VPS41: variants seen among roughly 807,000 people sequenced by gnomAD.
The protein encoded by VPS41 is VPS41 subunit of HOPS complex, also known as vacuolar protein sorting-associated protein 41 homolog.
Under a neutral mutation model 130.9 loss-of-function variants are expected in VPS41, and 85 were observed. The ratio of observed to expected loss-of-function variants is 0.65; its 90% CI spans 0.55 to 0.78. The LOEUF is 0.78. VPS41 is among the 30% of genes least tolerant of loss of function. The pLI, the probability that VPS41 is intolerant of heterozygous loss-of-function variation, is 0.00. For missense variants in VPS41, 874 were observed against 1,018.7 expected, an observed-to-expected ratio of 0.86 and a Z score of 1.93; for synonymous variants, 335 against 332.9, an observed-to-expected ratio of 1.01 and a Z score of -0.07.
At chr7:38,769,125 G>T (rs762916632) in intron 14 of VPS41, among the ~76,000 whole-genome samples, 2 of 152,002 alleles carry the variant, frequency 1.3e-5, no homozygotes, top group African/African-American at 2.4e-5. Flanking sequence ...AGCTGACCTC[G>T]TCTTACCCTT....
chr7:38,837,392 C>G (rs1393194380), intron 4 of VPS41, among the ~76,000 whole-genome samples: 1 of 152,178 alleles, frequency 6.6e-6, no homozygotes, highest in Non-Finnish European at 1.5e-5. Context: ...AACACTGAGG[C>G]TCAGGTGAGC....
intron 5 of VPS41, among the ~76,000 whole-genome samples, chr7:38,828,250 C>T (rs963566996): frequency 6.6e-6 from 1 of 152,004 alleles, no homozygotes; most frequent in African/African-American, 2.4e-5. Context: ...AACACACACA[C>T]ACACACACGC....
At chr7:38,836,917 A>G (rs1044423045) in intron 4 of VPS41, among the ~76,000 whole-genome samples, 1 of 152,332 alleles carries the variant, frequency 6.6e-6, no homozygotes, top group East Asian at 1.9e-4. Flanking sequence ...TACTTAAAAT[A>G]TACATTATCT....
At position 38,756,893 on chromosome 7, in the gene VPS41, T is replaced by G. The variant is rs375941913; in HGVS notation, c.1640A>C (p.Asn547Thr). The change falls in exon 19 of 29, where the codon AAT becomes ACT. Residue 547 changes from asparagine (N) to threonine (T), a missense_variant. Asn to Thr is a moderately conservative substitution (Grantham distance 65). Coordinates refer to ENST00000310301, the MANE Select transcript of VPS41 (RefSeq NM_014396.4). ...KDVFQLIHKH[N>T]LFSSIKDKIV... is the part of the protein sequence containing the mutation. ...TTTATCCTTGATAGAACTGAAAAGA[T>G]TATGCTTGTGGATCAACTGAAAAAC... The G allele has an allele frequency of 6.3e-6, 10 of 1,599,602 alleles. No homozygotes were observed. In the Admixed American group the frequency reaches 1.7e-4, roughly 27 times the overall value.
intron 2 of VPS41, among the ~76,000 whole-genome samples, chr7:38,875,608 A>T (rs1367761681): frequency 6.6e-6 from 1 of 152,210 alleles, no homozygotes; most frequent in Non-Finnish European, 1.5e-5. Context: ...TATCAAGAAA[A>T]CTACATAAAC....
At chr7:38,741,674 C>T (rs558109717) in intron 25 of VPS41, among the ~76,000 whole-genome samples, 2 of 152,282 alleles carry the variant, frequency 1.3e-5, no homozygotes, top group African/African-American at 2.4e-5. Context: ...TGCTTTCATA[C>T]TCGCCTCGAT....
intron 4 of VPS41, among the ~76,000 whole-genome samples, chr7:38,846,707 A>G (rs542713983): frequency 7.9e-5 from 12 of 152,306 alleles, no homozygotes; most frequent in South Asian, 2.1e-4. Flanking sequence ...AGGCAGGGAG[A>G]TCAGTTGGGT....
chr7:38,731,234 G>A (rs979115769), intron 25 of VPS41, among the ~76,000 whole-genome samples: 4 of 152,150 alleles, frequency 2.6e-5, no homozygotes, highest in African/African-American at 9.7e-5. Context: ...ATAATGTGTA[G>A]GCAATTAAAG....
intron 10 of VPS41, among the ~76,000 whole-genome samples, chr7:38,779,376 A>C (rs540232881): frequency 6.6e-6 from 1 of 152,322 alleles, no homozygotes; most frequent in South Asian, 2.1e-4. Flanking sequence ...AAAATCTCTT[A>C]TAGAAAACAA....
chr7:38,777,405 T>C (rs984146643), intron 10 of VPS41, among the ~76,000 whole-genome samples: 2 of 152,116 alleles, frequency 1.3e-5, no homozygotes, highest in Non-Finnish European at 2.9e-5. Flanking sequence ...AGAAGACATA[T>C]TGCATCACTT....
chr7:38,898,234 T>C (rs955233613), intron 1 of VPS41, 105 bp from the exon 2 acceptor site: 7 of 926,672 alleles, frequency 7.6e-6, no homozygotes, highest in African/African-American at 1.7e-5. Context: ...TCTGCCCTTT[T>C]TGGAAGAGAA....
chr7:38,863,424 C>T (rs1786162682), intron 3 of VPS41, among the ~76,000 whole-genome samples: 1 of 152,130 alleles, frequency 6.6e-6, no homozygotes, highest in Admixed American at 6.5e-5. Context: ...TGCTTCATTG[C>T]AACCCATAAT....
At chr7:38,774,491 G>A (rs1484067653) in intron 11 of VPS41, among the ~76,000 whole-genome samples, 1 of 151,666 alleles carries the variant, frequency 6.6e-6, no homozygotes, top group African/African-American at 2.4e-5. Flanking sequence ...ATCAACTAGT[G>A]AAGAAAAATC....
intron 7 of VPS41, among the ~76,000 whole-genome samples, chr7:38,803,412 G>T (rs1182832424): frequency 6.6e-6 from 1 of 152,184 alleles, no homozygotes; most frequent in African/African-American, 2.4e-5. Flanking sequence ...ATTCAGCAGG[G>T]GCTTCAGCCG....
chr7:38,849,232 G>A (rs1785795842), intron 4 of VPS41, among the ~76,000 whole-genome samples: 1 of 152,144 alleles, frequency 6.6e-6, no homozygotes, highest in South Asian at 2.1e-4. Context: ...ATGCAGATGG[G>A]TGGGCTGTGG....
At chr7:38,839,007 T>C (rs574740313) in intron 4 of VPS41, among the ~76,000 whole-genome samples, 184 of 152,284 alleles carry the variant, frequency 1.2e-3, no homozygotes, top group Non-Finnish European at 1.9e-3. Flanking sequence ...AAATGGATAA[T>C]TGATTCCTTC....
At chr7:38,827,847 G>C (rs1785310554) in intron 5 of VPS41, among the ~76,000 whole-genome samples, 1 of 152,174 alleles carries the variant, frequency 6.6e-6, no homozygotes, top group Non-Finnish European at 1.5e-5. Context: ...TCAGTGTATG[G>C]ATCAAAAGGA....
intron 7 of VPS41, among the ~76,000 whole-genome samples, chr7:38,804,424 A>C (rs1475902919): frequency 6.6e-6 from 1 of 152,182 alleles, no homozygotes; most frequent in East Asian, 1.9e-4. Context: ...ACAAATGAGA[A>C]CATGTGGTAT....
intron 14 of VPS41, among the ~76,000 whole-genome samples, chr7:38,768,704 A>G (rs1490603992): frequency 6.6e-6 from 1 of 152,216 alleles, no homozygotes; most frequent in African/African-American, 2.4e-5. Flanking sequence ...CTTTCCATCA[A>G]GGTTCAGAGA....
Sources: allele counts gnomAD v4.1 joint callset (sites outside exome capture counted in the v4.1 genomes callset), GRCh38; gene constraint gnomAD v4.1.1; transcripts MANE v1.5; gene names NCBI Gene and HGNC (gene_info 2026-07-23, HGNC 2026-07-21).